The following IPO7 variants were observed in gnomAD, a reference collection of about 807,000 sequenced individuals.
IPO7 encodes the protein importin 7, also known as importin-7.
Under a neutral mutation model 136.4 loss-of-function variants are expected in IPO7, and 13 were observed. The observed-to-expected ratio is 0.10, with a 90% CI of 0.06 to 0.15. The LOEUF (loss-of-function observed/expected upper bound fraction) is 0.15, where lower values mean the gene tolerates loss of function less well. Ranked by LOEUF, IPO7 falls within the 10% of genes least tolerant of loss-of-function variation. The pLI is 1.00. For missense variants in IPO7, 857 were observed against 1,240.6 expected (o/e 0.69, Z 4.65); for synonymous variants, 403 against 404.4 (o/e 1.00, Z 0.04).
chr11:9,440,977 G>A (rs1056403695), intron 23 of IPO7, among the ~76,000 whole-genome samples: 3 of 152,060 alleles, frequency 2.0e-5, no homozygotes, highest in Admixed American at 6.6e-5. Context: ...CCACTCTTAC[G>A]TGTATACCTG....
At chr11:9,407,701 G>T (rs1350519680) in intron 2 of IPO7, among the ~76,000 whole-genome samples, 1 of 152,076 alleles carries the variant, frequency 6.6e-6, no homozygotes, top group Non-Finnish European at 1.5e-5. Context: ...ATAAGTACAG[G>T]ACTTGAGATA....
chr11:9,431,467 T>A (rs1288453209), intron 16 of IPO7, among the ~76,000 whole-genome samples: 1 of 149,764 alleles, frequency 6.7e-6, no homozygotes, highest in Non-Finnish European at 1.5e-5. Context: ...AATAATGGAT[T>A]TTTTTTTTTT....
At chr11:9,395,754 T>C (rs1854699243) in intron 1 of IPO7, among the ~76,000 whole-genome samples, 1 of 152,042 alleles carries the variant, frequency 6.6e-6, no homozygotes, top group African/African-American at 2.4e-5. Context: ...GCTCACTCCG[T>C]TCCCCAGGCT....
At chr11:9,389,350 T>C (rs7944324) in intron 1 of IPO7, among the ~76,000 whole-genome samples, 150,118 of 152,324 alleles carry the variant, frequency 0.99, 74,004 homozygotes, top group Middle Eastern at 1. Flanking sequence ...CACCAGCCGG[T>C]GTTTTTAAAT....
chr11:9,399,288 G>A (rs952990232), intron 1 of IPO7, among the ~76,000 whole-genome samples: 2 of 151,404 alleles, frequency 1.3e-5, no homozygotes, highest in East Asian at 1.9e-4. Context: ...TCAGACTCCC[G>A]AGTAGCTGGG....
intron 1 of IPO7, 140 bp downstream of exon 1, chr11:9,384,987 C>A (rs1854530683): frequency 3.1e-6 from 2 of 653,880 alleles, no homozygotes; most frequent in East Asian, 2.8e-5. Flanking sequence ...CTGACGGCGA[C>A]TTCCACGCCG....
intron 2 of IPO7, among the ~76,000 whole-genome samples, chr11:9,406,111 T>TTTC (rs1440168290): frequency 4.4e-5 from 6 of 135,450 alleles, no homozygotes; most frequent in African/African-American, 1.7e-4. Flanking sequence ...GGTCTTTTTT[T>TTTC]TTTTTTTTTT....
chr11:9,444,670 C>G (rs1855503772), intron 24 of IPO7, among the ~76,000 whole-genome samples: 1 of 151,836 alleles, frequency 6.6e-6, no homozygotes. Context: ...CCTGCCTCTA[C>G]TAAAAATACA....
chr11:9,436,864 AT>A (rs1855381338), intron 20 of IPO7, among the ~76,000 whole-genome samples: 4 of 14,692 alleles, frequency 2.7e-4, no homozygotes, highest in Non-Finnish European at 4.9e-4. Flanking sequence ...ATATATATAT[AT>A]ATATTTTTTT....
chr11:9,387,044 G>T (rs1304021935), intron 1 of IPO7, among the ~76,000 whole-genome samples: 1 of 151,920 alleles, frequency 6.6e-6, no homozygotes, highest in African/African-American at 2.4e-5. Flanking sequence ...CTTTCTTGTG[G>T]CAGAACATTG....
In IPO7 at chr11:9,425,303, A is replaced by T. The variant is rs760000150; in HGVS notation, c.1335+41A>T. 6 of 1,181,356 alleles carry T rather than the reference A, an allele frequency of 5.1e-6. 1 individual carries two copies. The South Asian group carries it at 7.3e-5, about 14-fold the overall frequency. 73.2% of individuals were successfully genotyped at this position (1,181,356 alleles called of 1,614,324 possible). A position where few individuals can be genotyped will look rare whatever the true frequency, so the allele number is the denominator to read the frequency against. Reference sequence around the variant, plus strand: ...TTTGTATGTGCATGACTATGCAAGTAGTTTTAAAAAATAAATAGCCAGCCA... The same window carrying T: ...TTTGTATGTGCATGACTATGCAAGTTGTTTTAAAAAATAAATAGCCAGCCA... On this transcript the variant is annotated intron_variant, in intron 12 of 24. Coordinates refer to ENST00000379719, the MANE Select transcript of IPO7 (RefSeq NM_006391.3).
intron 23 of IPO7, among the ~76,000 whole-genome samples, chr11:9,441,515 A>G (rs1855459518): frequency 6.6e-6 from 1 of 152,190 alleles, no homozygotes; most frequent in Admixed American, 6.5e-5. Flanking sequence ...ATAACCAAGG[A>G]TTTGAGTCTT....
At chr11:9,434,799 C>T in intron 18 of IPO7, 135 bp from the exon 19 acceptor site, 1 of 678,578 alleles carries the variant, frequency 1.5e-6, no homozygotes, top group Non-Finnish European at 2.7e-6. Flanking sequence ...GAGTGTCCCC[C>T]CTCCCCCCAA....
At chr11:9,441,415 T>C (rs959164670) in intron 23 of IPO7, among the ~76,000 whole-genome samples, 8 of 152,346 alleles carry the variant, frequency 5.3e-5, no homozygotes, top group Middle Eastern at 3.4e-3. Flanking sequence ...ATTTGAAACA[T>C]CTTTTCCTCT....
chr11:9,425,657 T>G (rs1476429062), intron 12 of IPO7, among the ~76,000 whole-genome samples: 2 of 151,942 alleles, frequency 1.3e-5, no homozygotes, highest in Non-Finnish European at 2.9e-5. Flanking sequence ...GGGTGGATCA[T>G]GAGGTCAGGA....
At chr11:9,440,067 G>C (rs941005961) in intron 22 of IPO7, among the ~76,000 whole-genome samples, 7 of 152,100 alleles carry the variant, frequency 4.6e-5, no homozygotes, top group Admixed American at 2.6e-4. Context: ...TGTATAAATT[G>C]ATAAAATATT....
rs753955265 is a variant in IPO7 at position 9,424,987 on chromosome 11, A to G, written c.1215A>G (p.Lys405=). The G allele has an allele frequency of 1.7e-5, 27 of 1,564,162 alleles. No individual in the cohort carries two copies. Among genetic ancestry groups the G allele is most frequent in the East Asian group, 2.2e-5 (1 of 44,660 alleles). The change falls in exon 11 of 25, where the codon AAA becomes AAG. Residue 405 remains lysine, a synonymous_variant. Coordinates refer to ENST00000379719, the MANE Select transcript of IPO7 (RefSeq NM_006391.3). ...TGTTTACAGCCTGTAGTAAGAGGAA[A>G]GAGGTAGGCTTATTTAATGTTTAGA... ...TLLFTACSKR[K]EVLQKTMGFC...
chr11:9,432,224 CAG>C (rs1367172027), intron 16 of IPO7, among the ~76,000 whole-genome samples: 6 of 139,048 alleles, frequency 4.3e-5, no homozygotes, highest in East Asian at 4.2e-4. Context: ...TTTTTTGAGA[CAG>C]AGTCTCCCTT....
chr11:9,406,106 T>C (rs980991036), intron 2 of IPO7, among the ~76,000 whole-genome samples: 1 of 131,646 alleles, frequency 7.6e-6, no homozygotes, highest in African/African-American at 2.9e-5. Context: ...AGGCTGGTCT[T>C]TTTTTTTTTT....
Sources: gnomAD v4.1 joint callset for allele counts (sites outside exome capture counted in the v4.1 genomes callset) on GRCh38, gnomAD v4.1.1 for gene constraint, MANE v1.5 for transcripts, NCBI Gene and HGNC (gene_info 2026-07-23, HGNC 2026-07-21) for gene names.